SLC25A26: variants seen among roughly 807,000 people sequenced by gnomAD.
SLC25A26 encodes the protein mitochondrial S-adenosylmethionine carrier protein.
In SLC25A26, 36 loss-of-function variants were observed where a neutral mutation model predicts 37.8. The ratio of observed to expected loss-of-function variants is 0.95; its 90% confidence interval spans 0.73 to 1.26. The LOEUF (loss-of-function observed/expected upper bound fraction) is 1.26, where lower values mean the gene tolerates loss of function less well. Among genes scored for constraint, SLC25A26 ranks in the 50% most tolerant of loss-of-function variants. SLC25A26 has a pLI of 0.00. For synonymous variants in SLC25A26, 129 were observed against 122.5 expected (o/e 1.05, Z -0.35); for missense variants, 390 against 331.1 (o/e 1.18, Z -1.38).
At chr3:66,353,135 A>C (rs1276136245) in intron 6 of SLC25A26, among the ~76,000 whole-genome samples, 1 of 152,200 alleles carries the variant, frequency 6.6e-6, no homozygotes, top group East Asian at 1.9e-4. Context: ...CCAGGGAAGC[A>C]GGGCTCAATA....
chr3:66,262,164 G>C lies in SLC25A26; in HGVS notation c.405+9G>C. 1 of 1,371,698 alleles carries C rather than the reference G, an allele frequency of 7.3e-7. No individual in the cohort carries two copies. The highest frequency in any genetic ancestry group is 1.0e-6 in the Non-Finnish European group (1 of 997,032). 85.0% of individuals were successfully genotyped at this position (1,371,698 alleles called of 1,614,324 possible). ...ACATCTTATATGAAGAGGTGAGATG[G>C]GTTTTTTAAGCTCTTCTTTTCTTTA... is the stretch of plus-strand genomic sequence containing the variant. On this transcript the variant is annotated intron_variant, in intron 4 of 9. Transcript: ENST00000354883.
rs1439247087 is a variant in SLC25A26, at chr3:66,346,547, G to A, written c.498+139G>A. The A allele has an allele frequency of 8.7e-6, 4 of 457,180 alleles. No homozygotes were observed. The Admixed American group carries it at 1.8e-4, about 20-fold the overall frequency. 28.3% of individuals were successfully genotyped at this position (457,180 alleles called of 1,614,324 possible). ...TAGCAGTTGAAAATATATTTTATGT[G>A]TGATTTACATGCCATTTCAGCCTTT... is the stretch of plus-strand genomic sequence containing the variant. On this transcript the variant is annotated intron_variant, in intron 6 of 9. Transcript: ENST00000354883.
In SLC25A26 at chr3:66,168,820, TA is replaced by T. The variant is rs2070458675; in HGVS notation, c.-354+34837del. On this transcript the variant is annotated intron_variant, in intron 1 of 10. Coordinates refer to the SLC25A26 transcript ENST00000676754. ...AGCCATGCAGGTTTTCCTGATAGGGTATTTGATAATTGAAAAAATGGCCAGA... is the reference window on the plus strand; with the variant it reads ...AGCCATGCAGGTTTTCCTGATAGGGTTTTGATAATTGAAAAAATGGCCAGA... Among the ~76,000 whole-genome samples the T allele has an allele frequency of 3.3e-5, 5 of 152,280 alleles. No individual in the cohort carries two copies. The South Asian group carries it at 1.0e-3, about 32-fold the overall frequency.
intron 7 of SLC25A26, among the ~76,000 whole-genome samples, chr3:66,365,659 A>G (rs2076808183): frequency 6.6e-6 from 1 of 152,160 alleles, no homozygotes; most frequent in Non-Finnish European, 1.5e-5. Flanking sequence ...CGATCTCTCC[A>G]TGGGTTTGAA....
intron 5 of SLC25A26, among the ~76,000 whole-genome samples, chr3:66,306,172 A>G (rs2075215219): frequency 6.6e-6 from 1 of 152,048 alleles, no homozygotes; most frequent in Non-Finnish European, 1.5e-5. Flanking sequence ...AGTAGAAACA[A>G]GGTTTCACCA....
At chr3:66,269,796 A>T (rs1262775289) in intron 5 of SLC25A26, among the ~76,000 whole-genome samples, 1 of 152,058 alleles carries the variant, frequency 6.6e-6, no homozygotes, top group African/African-American at 2.4e-5. Context: ...GTCTCTGTGT[A>T]TGTTTGTGTG....
intron 6 of SLC25A26, among the ~76,000 whole-genome samples, chr3:66,353,878 C>G (rs184831131): frequency 6.6e-6 from 1 of 152,224 alleles, no homozygotes; most frequent in African/African-American, 2.4e-5. Context: ...GAGGAAGAAA[C>G]TATGTCTTCT....
chr3:66,207,276 TC>T (rs1173493546), intron 1 of SLC25A26, among the ~76,000 whole-genome samples: 1 of 151,900 alleles, frequency 6.6e-6, no homozygotes, highest in African/African-American at 2.4e-5. Flanking sequence ...GCCTCAGTTA[TC>T]CCCCCCATCC....
intron 5 of SLC25A26, among the ~76,000 whole-genome samples, chr3:66,313,134 G>A (rs1346576116): frequency 6.6e-6 from 1 of 152,144 alleles, no homozygotes; most frequent in African/African-American, 2.4e-5. Flanking sequence ...AGTTTAATTA[G>A]ATCCCATTTA....
intron 1 of SLC25A26, among the ~76,000 whole-genome samples, chr3:66,145,797 C>G (rs1192279804): frequency 1.3e-5 from 2 of 152,074 alleles, no homozygotes; most frequent in East Asian, 3.9e-4. Context: ...CAAAAATATT[C>G]CTCACATTTA....
chr3:66,229,863 C>CG (rs2071928228), intron 1 of SLC25A26, among the ~76,000 whole-genome samples: 1 of 146,748 alleles, frequency 6.8e-6, no homozygotes, highest in Non-Finnish European at 1.5e-5. Flanking sequence ...AATAGCCTCA[C>CG]TAAAAAAAAA....
chr3:66,174,141 G>C (rs1418784594), intron 1 of SLC25A26, among the ~76,000 whole-genome samples: 1 of 151,756 alleles, frequency 6.6e-6, no homozygotes, highest in Non-Finnish European at 1.5e-5. Context: ...AAAACAGATA[G>C]GATGCTCCTG....
intron 6 of SLC25A26, among the ~76,000 whole-genome samples, chr3:66,352,824 G>A (rs1476666590): frequency 6.6e-6 from 1 of 151,776 alleles, no homozygotes; most frequent in Admixed American, 6.6e-5. Flanking sequence ...CCATTACTCA[G>A]GCCTTAGATC....
intron 1 of SLC25A26, among the ~76,000 whole-genome samples, chr3:66,205,272 G>A (rs2071162213): frequency 6.6e-6 from 1 of 152,106 alleles, no homozygotes; most frequent in Admixed American, 6.6e-5. Flanking sequence ...ATTCCTTTAT[G>A]GAATGATTTT....
At chr3:66,204,029 C>G (rs957770616) in intron 1 of SLC25A26, among the ~76,000 whole-genome samples, 1 of 152,146 alleles carries the variant, frequency 6.6e-6, no homozygotes, top group Admixed American at 6.5e-5. Context: ...GTTTATTTAC[C>G]TTCTTCCCCT....
intron 9 of SLC25A26, chr3:66,371,474 C>A: frequency 7.4e-7 from 1 of 1,344,680 alleles, no homozygotes; most frequent in Non-Finnish European, 9.6e-7. Flanking sequence ...TTGAAATTTT[C>A]CAGTTGGAAG....
chr3:66,277,326 A>G (rs1187335966), intron 5 of SLC25A26, among the ~76,000 whole-genome samples: 1 of 152,178 alleles, frequency 6.6e-6, no homozygotes, highest in Non-Finnish European at 1.5e-5. Flanking sequence ...TGTATAATGT[A>G]TCAAAAATGA....
At chr3:66,247,622 A>T (rs965852674) in intron 3 of SLC25A26, among the ~76,000 whole-genome samples, 1 of 152,216 alleles carries the variant, frequency 6.6e-6, no homozygotes, top group Admixed American at 6.5e-5. Flanking sequence ...TATTGACCTT[A>T]AATGGACTTT....
At chr3:66,294,163 A>G (rs530695626) in intron 5 of SLC25A26, among the ~76,000 whole-genome samples, 2 of 152,170 alleles carry the variant, frequency 1.3e-5, no homozygotes, top group South Asian at 2.1e-4. Context: ...ATAAGCATGG[A>G]GTGTTTTTTC....
Sources: gnomAD v4.1 joint callset for allele counts (sites outside exome capture counted in the v4.1 genomes callset) on GRCh38, gnomAD v4.1.1 for gene constraint, MANE v1.5 for transcripts, NCBI Gene and HGNC (gene_info 2026-07-23, HGNC 2026-07-21) for gene names.